The following LPP variants were observed in gnomAD, a reference collection of about 807,000 sequenced individuals.
The protein encoded by LPP is lipoma-preferred partner.
In LPP, 38 loss-of-function variants were observed where a neutral mutation model predicts 60.4. The observed-to-expected ratio is 0.63, with a 90% confidence interval of 0.49 to 0.83. The LOEUF is 0.83. Among genes scored for constraint, LPP ranks in the 40% least tolerant of loss-of-function variants. The pLI, the probability that LPP is intolerant of heterozygous loss-of-function variation, is 0.00. For synonymous variants in LPP, 328 were observed against 290.8 expected (o/e 1.13, Z -1.30); for missense variants, 902 against 783.6 (o/e 1.15, Z -1.80).
intron 5 of LPP, among the ~76,000 whole-genome samples, chr3:188,497,684 C>G (rs1314746710): frequency 6.6e-6 from 1 of 152,164 alleles, no homozygotes; most frequent in Non-Finnish European, 1.5e-5. Flanking sequence ...AACAATTGAA[C>G]AGAAAATACA....
intron 4 of LPP, among the ~76,000 whole-genome samples, chr3:188,426,220 A>G (rs1789306684): frequency 6.7e-6 from 1 of 149,096 alleles, no homozygotes; most frequent in Non-Finnish European, 1.5e-5. Context: ...CCCAGTAGTC[A>G]TTCAGGAGCA....
chr3:188,246,672 C>A (rs1727067312), intron 2 of LPP, among the ~76,000 whole-genome samples: 1 of 152,140 alleles, frequency 6.6e-6, no homozygotes, highest in Non-Finnish European at 1.5e-5. Flanking sequence ...ACTGAATACA[C>A]CCACATTTTC....
chr3:188,658,629 C>T (rs924147634), intron 7 of LPP, among the ~76,000 whole-genome samples: 8 of 152,180 alleles, frequency 5.3e-5, no homozygotes, highest in Admixed American at 5.2e-4. Flanking sequence ...AAATCTTAGA[C>T]ATTATCTGTG....
At chr3:188,867,549 G>A (rs1766994166) in intron 10 of LPP, among the ~76,000 whole-genome samples, 1 of 151,978 alleles carries the variant, frequency 6.6e-6, no homozygotes, top group East Asian at 1.9e-4. Flanking sequence ...TCGCCATGTT[G>A]GCCAGGCTGG....
chr3:188,613,348 C>T (rs1202336110), intron 7 of LPP, among the ~76,000 whole-genome samples: 1 of 125,924 alleles, frequency 7.9e-6, no homozygotes, highest in Non-Finnish European at 1.9e-5. Flanking sequence ...ACGTTTTCTC[C>T]AGTATTTAGA....
At chr3:188,250,724 CTCTTTCTTTCTTTCTTTCTT>C (rs768358623) in intron 2 of LPP, among the ~76,000 whole-genome samples, 3,351 of 118,574 alleles carry the variant, frequency 0.028, 53 homozygotes, top group Middle Eastern at 0.043. Context: ...CTTTCTTTCT[CTCTTTCTTTCTTTCTTTCTT>C]TCTTTCTTTC....
chr3:188,722,464 T>G (rs910433209), intron 8 of LPP, among the ~76,000 whole-genome samples: 1 of 152,134 alleles, frequency 6.6e-6, no homozygotes, highest in Admixed American at 6.6e-5. Flanking sequence ...AGCACTAGAT[T>G]TGGAGTCAGG....
intron 2 of LPP, among the ~76,000 whole-genome samples, chr3:188,287,964 A>G (rs1037239192): frequency 1.3e-5 from 2 of 152,230 alleles, no homozygotes; most frequent in Non-Finnish European, 2.9e-5. Context: ...TCCCAGGCTT[A>G]TTAGCATAAT....
chr3:188,182,479 C>T lies in LPP; in HGVS notation c.-190+28227C>T, dbSNP rs1725304496. On this transcript the variant is annotated intron_variant, in intron 1 of 11. Coordinates refer to ENST00000617246, the MANE Select transcript of LPP (RefSeq NM_001375462.1). This position sits in a 1 kb window ranked among gnomAD's most constrained non-coding sequence, Gnocchi z 4.4. The stretch of plus-strand genomic sequence containing the variant: ...TGACTGACACAATTTGTTTCACATA[C>T]AGCACCAGCTGCCATCTGGCCTAGT... Among the ~76,000 whole-genome samples the T allele has an allele frequency of 6.6e-6, 1 of 152,208 alleles. No individual in the cohort carries two copies. Among genetic ancestry groups the T allele is most frequent in the Admixed American group, 6.5e-5 (1 of 15,282 alleles).
chr3:188,451,347 G>T (rs768004186), intron 4 of LPP, among the ~76,000 whole-genome samples: 1 of 152,298 alleles, frequency 6.6e-6, no homozygotes, highest in Non-Finnish European at 1.5e-5. Flanking sequence ...TCATAGAGAG[G>T]CATACTGGCT....
At chr3:188,587,532 A>G (rs1342675628) in intron 6 of LPP, among the ~76,000 whole-genome samples, 1 of 152,202 alleles carries the variant, frequency 6.6e-6, no homozygotes, top group Non-Finnish European at 1.5e-5. Flanking sequence ...AATATTATAT[A>G]CGCCATACAA....
At chr3:188,534,030 C>A (rs985038306) in intron 6 of LPP, among the ~76,000 whole-genome samples, 3 of 152,192 alleles carry the variant, frequency 2.0e-5, no homozygotes, top group African/African-American at 7.2e-5. Flanking sequence ...GCCTAAAAAT[C>A]TACCTTGCAT....
intron 8 of LPP, among the ~76,000 whole-genome samples, chr3:188,725,708 C>T (rs1413902619): frequency 2.0e-5 from 3 of 152,084 alleles, no homozygotes; most frequent in Non-Finnish European, 2.9e-5. Flanking sequence ...AAACATTAGT[C>T]CACAAAATAT....
chr3:188,258,732 G>A (rs1209309681), intron 2 of LPP, among the ~76,000 whole-genome samples: 2 of 152,198 alleles, frequency 1.3e-5, no homozygotes, highest in Admixed American at 6.5e-5. Flanking sequence ...TAGAGAAGAC[G>A]ATCACCGCAT....
chr3:188,357,180 G>A (rs1767859779), intron 3 of LPP, among the ~76,000 whole-genome samples: 1 of 152,200 alleles, frequency 6.6e-6, no homozygotes, highest in Non-Finnish European at 1.5e-5. Context: ...GCATGAGTTA[G>A]TGACACTAAC....
intron 3 of LPP, among the ~76,000 whole-genome samples, chr3:188,348,781 G>A (rs755047414): frequency 5.9e-5 from 9 of 152,068 alleles, no homozygotes; most frequent in African/African-American, 2.2e-4. Context: ...CATTCACTTC[G>A]GCCCTCGCCC....
chr3:188,341,946 C>G (rs1763170821), intron 3 of LPP, among the ~76,000 whole-genome samples: 1 of 151,862 alleles, frequency 6.6e-6, no homozygotes, highest in East Asian at 1.9e-4. Context: ...ATACCAAAAC[C>G]AAAAATCTGG....
rs993012802 is a variant in LPP, at chr3:188,827,328, C to A, written c.1411-38872C>A. 5.9e-5 allele frequency among the ~76,000 whole-genome samples: 9 copies of A among 152,304 alleles called. No individual in the cohort carries two copies. In the East Asian group the frequency reaches 1.2e-3, roughly 20 times the overall value. The stretch of plus-strand genomic sequence containing the variant: ...AATAGTGAGACACACATATTAGACA[C>A]ATGATTGTGAGAAGACAGTTTTCCA... On this transcript the variant is annotated intron_variant, in intron 9 of 11. Transcript: ENST00000617246.
intron 4 of LPP, among the ~76,000 whole-genome samples, chr3:188,440,022 G>A (rs996189629): frequency 5.9e-5 from 9 of 152,070 alleles, no homozygotes; most frequent in African/African-American, 1.9e-4. Context: ...GTGCATTCTC[G>A]TGGTACTTAA....
Sources: allele counts gnomAD v4.1 joint callset (sites outside exome capture counted in the v4.1 genomes callset), GRCh38; gene constraint gnomAD v4.1.1; non-coding constraint Gnocchi (gnomAD v3.1); transcripts MANE v1.5; gene names NCBI Gene and HGNC (gene_info 2026-07-23, HGNC 2026-07-21).